CNTN1: variants seen among roughly 807,000 people sequenced by gnomAD.
CNTN1 encodes contactin 1.
Under a neutral mutation model 126.4 loss-of-function variants are expected in CNTN1, and 38 were observed. That is an observed-to-expected ratio of 0.30 (90% CI 0.23 to 0.39). The LOEUF is 0.39. CNTN1 is among the 10% of genes least tolerant of loss of function. CNTN1 has a pLI of 1.00. For synonymous variants in CNTN1, 413 were observed against 422.6 expected (o/e 0.98, Z 0.28); for missense variants, 1,009 against 1,248.4 (o/e 0.81, Z 2.89).
In CNTN1 at chr12:40,910,531, T is replaced by G. The variant is rs144538222; in HGVS notation, c.94+426T>G. ...TTAAAAGTCCACAGGTATTGCAAAA[T>G]TTATTGTTTAATAATCCTTCCAGTT... On this transcript the variant is annotated intron_variant, in intron 3 of 23. Coordinates refer to ENST00000551295, the MANE Select transcript of CNTN1 (RefSeq NM_001843.4). 3.0e-3 allele frequency among the ~76,000 whole-genome samples: 456 copies of G among 152,282 alleles called. 2 individuals are homozygous for G. The highest frequency in any genetic ancestry group is 0.01 in the African/African-American group (428 of 41,574).
intron 1 of CNTN1, among the ~76,000 whole-genome samples, chr12:40,739,931 C>T (rs1313510340): frequency 1.3e-5 from 2 of 151,960 alleles, no homozygotes; most frequent in Non-Finnish European, 2.9e-5. Flanking sequence ...GACAGACATG[C>T]CATATCTTGC....
intron 1 of CNTN1, among the ~76,000 whole-genome samples, chr12:40,830,615 T>G (rs1941777136): frequency 6.6e-6 from 1 of 150,406 alleles, no homozygotes; most frequent in Non-Finnish European, 1.5e-5. Flanking sequence ...AAAAATAAAT[T>G]TTAAGGGTGA....
chr12:41,020,266 C>A, intron 19 of CNTN1, 71 bp from the exon 20 acceptor site: 2 of 959,064 alleles, frequency 2.1e-6, no homozygotes, highest in Non-Finnish European at 3.3e-6. Flanking sequence ...ATTCATATAG[C>A]AAATGATGCT....
chr12:40,959,790 G>A (rs546986939), intron 15 of CNTN1, among the ~76,000 whole-genome samples: 12 of 152,106 alleles, frequency 7.9e-5, no homozygotes, highest in South Asian at 2.1e-4. Context: ...GCTACTGGCC[G>A]CTGCCATAGC....
chr12:41,052,468 T>G (rs2121039508), intron 23 of CNTN1, among the ~76,000 whole-genome samples: 2 of 152,322 alleles, frequency 1.3e-5, no homozygotes, highest in Middle Eastern at 3.4e-3. Context: ...ATATTTGTAC[T>G]AGCTTTAGTT....
intron 15 of CNTN1, among the ~76,000 whole-genome samples, chr12:40,966,395 C>A (rs552647997): frequency 5.3e-5 from 8 of 152,154 alleles, no homozygotes; most frequent in African/African-American, 9.6e-5. Context: ...CCATTGATAG[C>A]AAAACCTGCC....
intron 1 of CNTN1, among the ~76,000 whole-genome samples, chr12:40,806,507 T>G (rs1045003784): frequency 5.3e-5 from 8 of 152,154 alleles, no homozygotes; most frequent in African/African-American, 1.9e-4. Flanking sequence ...TGGCATCACA[T>G]GTCTATTCCT....
chr12:40,842,699 T>A (rs563988668), intron 1 of CNTN1, among the ~76,000 whole-genome samples: 1 of 152,274 alleles, frequency 6.6e-6, no homozygotes, highest in African/African-American at 2.4e-5. Context: ...GCTTTGTTCA[T>A]CTTTGTATTC....
At chr12:40,990,837 T>C (rs1948079971) in intron 16 of CNTN1, among the ~76,000 whole-genome samples, 1 of 152,170 alleles carries the variant, frequency 6.6e-6, no homozygotes, top group Non-Finnish European at 1.5e-5. Context: ...TTCTTTAAAA[T>C]GCTTCCAACA....
At chr12:40,945,721 T>G (rs1052735768) in intron 14 of CNTN1, among the ~76,000 whole-genome samples, 1 of 150,494 alleles carries the variant, frequency 6.6e-6, no homozygotes, top group Non-Finnish European at 1.5e-5. Context: ...CCAGTCCCCT[T>G]TAAAAAAAAA....
chr12:40,735,724 G>C (rs111562707), intron 1 of CNTN1, among the ~76,000 whole-genome samples: 239 of 152,156 alleles, frequency 1.6e-3, no homozygotes, highest in African/African-American at 5.4e-3. Flanking sequence ...TCAAATCAGC[G>C]TGCAGGAAGA....
At chr12:40,756,866 T>G (rs1415975010) in intron 1 of CNTN1, among the ~76,000 whole-genome samples, 1 of 152,146 alleles carries the variant, frequency 6.6e-6, no homozygotes, top group Non-Finnish European at 1.5e-5. Flanking sequence ...TGGACACTCC[T>G]TCTTAGGGGA....
At position 40,728,699 on chromosome 12, in the gene CNTN1, C is replaced by A. The variant is rs568240189; in HGVS notation, c.-77+36107C>A. The A allele has an allele frequency of 5.9e-5, 9 of 152,234 alleles. No individual in the cohort carries two copies. The East Asian group carries it at 1.7e-3, about 29-fold the overall frequency. The allele number at this position is 152,234 out of a possible 1,614,324, so 9.4% of individuals were successfully genotyped here. The stretch of plus-strand genomic sequence containing the variant: ...ACTCTTAGGAAAATAGTCACTTTTA[C>A]AATTTTATCATGCTTAGAAAATAAC... On this transcript the variant is annotated intron_variant, in intron 1 of 23. Coordinates refer to ENST00000551295, the MANE Select transcript of CNTN1 (RefSeq NM_001843.4).
intron 1 of CNTN1, among the ~76,000 whole-genome samples, chr12:40,842,970 C>T (rs1027661105): frequency 6.6e-6 from 1 of 152,118 alleles, no homozygotes; most frequent in East Asian, 1.9e-4. Flanking sequence ...TATAATACCA[C>T]ATACCTGAAG....
At chr12:40,790,384 T>A (rs553153373) in intron 1 of CNTN1, among the ~76,000 whole-genome samples, 1 of 152,154 alleles carries the variant, frequency 6.6e-6, no homozygotes, top group South Asian at 2.1e-4. Flanking sequence ...TATGATATGA[T>A]CACTTCATTC....
At chr12:40,768,650 C>T (rs1939218472) in intron 1 of CNTN1, among the ~76,000 whole-genome samples, 1 of 152,276 alleles carries the variant, frequency 6.6e-6, no homozygotes, top group East Asian at 1.9e-4. Flanking sequence ...CTTTAAACAA[C>T]GTACTGAAGC....
chr12:40,795,295 A>C (rs1940377757), intron 1 of CNTN1, among the ~76,000 whole-genome samples: 1 of 65,548 alleles, frequency 1.5e-5, no homozygotes, highest in African/African-American at 5.1e-5. Flanking sequence ...ACACACACAC[A>C]CACACACACA....
intron 17 of CNTN1, among the ~76,000 whole-genome samples, chr12:41,002,346 A>G (rs918285691): frequency 6.6e-6 from 1 of 151,954 alleles, no homozygotes; most frequent in African/African-American, 2.4e-5. Context: ...TTGTAGAGAT[A>G]TTCATCTCCC....
intron 1 of CNTN1, among the ~76,000 whole-genome samples, chr12:40,775,689 G>T (rs1939550497): frequency 6.6e-6 from 1 of 151,560 alleles, no homozygotes; most frequent in African/African-American, 2.4e-5. Flanking sequence ...TGAGTTTAAA[G>T]AAAGACAGTA....
Sources: allele counts gnomAD v4.1 joint callset (sites outside exome capture counted in the v4.1 genomes callset), GRCh38; gene constraint gnomAD v4.1.1; transcripts MANE v1.5; gene names NCBI Gene and HGNC (gene_info 2026-07-23, HGNC 2026-07-21).